Variants in ZNF385D observed in about 807,000 individuals in gnomAD.
ZNF385D encodes the protein zinc finger protein 659.
ZNF385D carries 15 observed loss-of-function variants against 35.8 expected under a neutral mutation model. The ratio of observed to expected loss-of-function variants is 0.42; its 90% CI spans 0.28 to 0.64. The LOEUF (loss-of-function observed/expected upper bound fraction) is 0.64, where lower values mean the gene tolerates loss of function less well. Among genes scored for constraint, ZNF385D ranks in the 30% least tolerant of loss-of-function variants. The pLI, the probability that ZNF385D is intolerant of heterozygous loss-of-function variation, is 0.23. For synonymous variants in ZNF385D, 212 were observed against 186.8 expected (o/e 1.13, Z -1.10); for missense variants, 474 against 494.6 (o/e 0.96, Z 0.39).
At chr3:21,504,082 C>G (rs138265684) in intron 4 of ZNF385D, among the ~76,000 whole-genome samples, 3 of 152,028 alleles carry the variant, frequency 2.0e-5, no homozygotes, top group Non-Finnish European at 4.4e-5. Flanking sequence ...TTCAGTGAGA[C>G]GTGATAAAGA....
At chr3:22,263,877 A>G (rs1700758520) in intron 2 of ZNF385D, among the ~76,000 whole-genome samples, 1 of 151,968 alleles carries the variant, frequency 6.6e-6, no homozygotes, top group Non-Finnish European at 1.5e-5. Context: ...CCCCTCATGC[A>G]AAAAATAATT....
At chr3:21,495,772 GA>G (rs1045027762) in intron 4 of ZNF385D, among the ~76,000 whole-genome samples, 2 of 151,846 alleles carry the variant, frequency 1.3e-5, no homozygotes, top group African/African-American at 4.8e-5. Flanking sequence ...TTGGCTTTTT[GA>G]AAGAATTAAT....
chr3:21,949,097 C>T (rs1034919919), intron 3 of ZNF385D, among the ~76,000 whole-genome samples: 1 of 152,106 alleles, frequency 6.6e-6, no homozygotes, highest in Non-Finnish European at 1.5e-5. Context: ...ATATTTAATA[C>T]ACTCATTGTT....
chr3:22,023,153 G>A (rs1030123627), intron 3 of ZNF385D, among the ~76,000 whole-genome samples: 7 of 152,098 alleles, frequency 4.6e-5, no homozygotes, highest in African/African-American at 1.4e-4. Flanking sequence ...CCTTCCAAAT[G>A]ATATGGCTGA....
chr3:21,960,604 G>C (rs1167820417), intron 3 of ZNF385D, among the ~76,000 whole-genome samples: 1 of 151,998 alleles, frequency 6.6e-6, no homozygotes, highest in Non-Finnish European at 1.5e-5. Flanking sequence ...CAAAGGAAAG[G>C]AAATCAGTAT....
chr3:21,653,406 T>C (rs1175039942), intron 2 of ZNF385D, among the ~76,000 whole-genome samples: 1 of 152,100 alleles, frequency 6.6e-6, no homozygotes, highest in Non-Finnish European at 1.5e-5. Context: ...AGTCTCCTGA[T>C]ACACATATGT....
At chr3:21,757,134 T>TTTTTTTTTTTTTTTTTGTTTTTG (rs1553654008) in intron 3 of ZNF385D, among the ~76,000 whole-genome samples, 2 of 128,232 alleles carry the variant, frequency 1.6e-5, no homozygotes, top group Non-Finnish European at 3.3e-5. Flanking sequence ...TTTTTTTTTT[T>TTTTTTTTTTTTTTTTTGTTTTTG]TTTTTGTTTT....
intron 1 of ZNF385D, among the ~76,000 whole-genome samples, chr3:21,671,515 C>T (rs1166256285): frequency 6.6e-6 from 1 of 152,040 alleles, no homozygotes; most frequent in Non-Finnish European, 1.5e-5. Context: ...TGCCAGGTAT[C>T]TCTTATAATA....
In ZNF385D at chr3:21,491,331, A is replaced by G. The variant is rs532202658; in HGVS notation, c.439+19530T>C. 1.6e-4 allele frequency among the ~76,000 whole-genome samples: 24 copies of G among 152,176 alleles called. 1 individual carries two copies. The Middle Eastern group carries it at 0.01, about 65-fold the overall frequency. On this transcript the variant is annotated intron_variant, in intron 4 of 7. Transcript: ENST00000281523. ...TAACAAATCATAGGGAGGATGATCA[A>G]TAATGGGCAGCATCAACAGCTTGAC...
intron 2 of ZNF385D, among the ~76,000 whole-genome samples, chr3:22,306,872 C>T (rs1050374544): frequency 4.6e-5 from 7 of 152,108 alleles, no homozygotes; most frequent in Admixed American, 4.6e-4. Flanking sequence ...AGAACTACCC[C>T]TGTACTCAAG....
At chr3:22,239,515 T>A (rs918686857) in intron 2 of ZNF385D, among the ~76,000 whole-genome samples, 1 of 148,662 alleles carries the variant, frequency 6.7e-6, no homozygotes. Context: ...CTACCACATA[T>A]ACAAAATACA....
At chr3:22,118,546 A>C (rs1489912917) in intron 3 of ZNF385D, among the ~76,000 whole-genome samples, 2 of 152,096 alleles carry the variant, frequency 1.3e-5, no homozygotes, top group African/African-American at 4.8e-5. Context: ...GCCCACATGT[A>C]AATTACACCA....
chr3:22,166,480 A>C (rs1706337049), intron 3 of ZNF385D, among the ~76,000 whole-genome samples: 2 of 152,220 alleles, frequency 1.3e-5, no homozygotes, highest in South Asian at 4.1e-4. Flanking sequence ...TTTCATTGCA[A>C]GTTCAACTAT....
At chr3:21,580,382 AGATATTTTTG>A (rs1457573112) in intron 2 of ZNF385D, among the ~76,000 whole-genome samples, 28 of 152,232 alleles carry the variant, frequency 1.8e-4, no homozygotes, top group African/African-American at 6.5e-4. Flanking sequence ...TGCAAACAAT[AGATATTTTTG>A]AAATGTCACA....
chr3:21,959,865 G>C (rs1702488617), intron 3 of ZNF385D, among the ~76,000 whole-genome samples: 1 of 152,074 alleles, frequency 6.6e-6, no homozygotes, highest in Admixed American at 6.6e-5. Flanking sequence ...CTAGCCTCTA[G>C]AAGAGTGTCT....
At chr3:22,284,249 C>T (rs1172132933) in intron 2 of ZNF385D, among the ~76,000 whole-genome samples, 16 of 152,010 alleles carry the variant, frequency 1.1e-4, no homozygotes, top group Admixed American at 2.0e-4. Flanking sequence ...AGTGCAGTGG[C>T]GCGATCTTGG....
At chr3:22,032,136 CA>C (rs1282729864) in intron 3 of ZNF385D, among the ~76,000 whole-genome samples, 1 of 152,222 alleles carries the variant, frequency 6.6e-6, no homozygotes, top group African/African-American at 2.4e-5. Context: ...AGCATTTTGT[CA>C]AAACCATTCA....
rs71044975 is a variant in ZNF385D at position 22,127,317 on chromosome 3, C to CTTTTTTTTTTTT, written c.325+41488_325+41499dup. ...TCTGGTAGTATGTTTTCATTTCCTG[C>CTTTTTTTTTTTT]TTTTTTTTTTTTTTTTTTTTTTTTT... is the stretch of plus-strand genomic sequence containing the variant. On this transcript the variant is annotated intron_variant, in intron 3 of 5. Coordinates refer to the ZNF385D transcript ENST00000494108. Among the ~76,000 whole-genome samples the CTTTTTTTTTTTT allele has an allele frequency of 3.6e-5, 2 of 56,308 alleles. 1 individual carries two copies. The highest frequency in any genetic ancestry group is 1.6e-4 in the African/African-American group (2 of 12,728). The allele number at this position is 56,308 out of a possible 152,430, so 36.9% of individuals were successfully genotyped here. A position where few individuals can be genotyped will look rare whatever the true frequency, so the allele number is the denominator to read the frequency against.
intron 3 of ZNF385D, among the ~76,000 whole-genome samples, chr3:22,003,104 G>C (rs932454870): frequency 1.3e-5 from 2 of 152,200 alleles, no homozygotes; most frequent in South Asian, 4.1e-4. Flanking sequence ...GAAATAAAAG[G>C]CATTCAGATT....
Sources: allele counts gnomAD v4.1 joint callset (sites outside exome capture counted in the v4.1 genomes callset), GRCh38; gene constraint gnomAD v4.1.1; transcripts MANE v1.5; gene names NCBI Gene and HGNC (gene_info 2026-07-23, HGNC 2026-07-21).